Variants in CSMD3 observed in about 807,000 individuals in gnomAD.
The protein encoded by CSMD3 is CUB and Sushi multiple domains 3.
A neutral mutation model predicts 435.2 loss-of-function variants in CSMD3; 177 were observed. That is an observed-to-expected ratio of 0.41 (90% confidence interval 0.36 to 0.46). CSMD3 has a LOEUF of 0.46. Among genes scored for constraint, CSMD3 ranks in the 20% least tolerant of loss-of-function variants. The pLI, the probability that CSMD3 is intolerant of heterozygous loss-of-function variation, is 0.34. For synonymous variants in CSMD3, 1,656 were observed against 1,520.5 expected (o/e 1.09, Z -2.07); for missense variants, 4,265 against 4,504.6 (o/e 0.95, Z 1.52).
At chr8:112,290,637 TA>T (rs1328617699) in intron 56 of CSMD3, among the ~76,000 whole-genome samples, 4 of 151,894 alleles carry the variant, frequency 2.6e-5, no homozygotes, top group East Asian at 1.9e-4. Flanking sequence ...CTCATGAACA[TA>T]AAAAAATCCT....
At chr8:113,101,600 C>A (rs972386726) in intron 4 of CSMD3, among the ~76,000 whole-genome samples, 1 of 151,944 alleles carries the variant, frequency 6.6e-6, no homozygotes, top group African/African-American at 2.4e-5. Flanking sequence ...GAAGAGAGAA[C>A]AACCCAGAAA....
At chr8:113,431,858 T>C (rs2094675841) in intron 1 of CSMD3, among the ~76,000 whole-genome samples, 1 of 152,184 alleles carries the variant, frequency 6.6e-6, no homozygotes, top group South Asian at 2.1e-4. Flanking sequence ...TATTTGTTAT[T>C]TCACTGTTTT....
At chr8:112,589,089 C>A (rs1830963765) in intron 22 of CSMD3, among the ~76,000 whole-genome samples, 1 of 152,144 alleles carries the variant, frequency 6.6e-6, no homozygotes, top group Admixed American at 6.6e-5. Flanking sequence ...TAGTTCTTCT[C>A]TGTAATAAAC....
chr8:113,192,789 GTTC>G lies in CSMD3; in HGVS notation c.515-18876_515-18874del, dbSNP rs553550356. 7.4e-5 allele frequency among the ~76,000 whole-genome samples: 11 copies of G among 149,554 alleles called. No homozygotes were observed. The South Asian group carries it at 2.3e-3, about 31-fold the overall frequency. On this transcript the variant is annotated intron_variant, in intron 3 of 70. Coordinates refer to ENST00000297405, the MANE Select transcript of CSMD3 (RefSeq NM_198123.2). The stretch of plus-strand genomic sequence containing the variant: ...TTGTTCATTTTAGAAGTTTTCTTCT[GTTC>G]TTATAGTCCTCCTTTTTCTTTCAAA...
At chr8:112,875,749 T>C (rs1392393589) in intron 10 of CSMD3, among the ~76,000 whole-genome samples, 1 of 152,190 alleles carries the variant, frequency 6.6e-6, no homozygotes, top group Non-Finnish European at 1.5e-5. Context: ...TTTCTCATGC[T>C]GTGTTTTTCA....
At chr8:113,018,308 T>C (rs752763584) in intron 6 of CSMD3, among the ~76,000 whole-genome samples, 6 of 151,982 alleles carry the variant, frequency 3.9e-5, no homozygotes, top group Non-Finnish European at 8.8e-5. Flanking sequence ...AAAGTCATCA[T>C]ATTAAATTTT....
intron 38 of CSMD3, among the ~76,000 whole-genome samples, chr8:112,359,902 A>G (rs933363736): frequency 1.3e-5 from 2 of 152,008 alleles, no homozygotes; most frequent in Non-Finnish European, 2.9e-5. Flanking sequence ...CTAATTTTAA[A>G]TGTTTAAGGG....
chr8:112,382,264 A>G (rs1829529744), intron 37 of CSMD3, among the ~76,000 whole-genome samples: 1 of 143,264 alleles, frequency 7.0e-6, no homozygotes, highest in African/African-American at 2.5e-5. Context: ...AGTCTGGGCA[A>G]TAGAGCCAGA....
At chr8:113,165,202 A>T (rs193100612) in intron 4 of CSMD3, among the ~76,000 whole-genome samples, 6 of 152,174 alleles carry the variant, frequency 3.9e-5, no homozygotes, top group Non-Finnish European at 8.8e-5. Flanking sequence ...CTATATAATC[A>T]TATGAATGCT....
intron 1 of CSMD3, among the ~76,000 whole-genome samples, chr8:113,377,951 T>C (rs1377575527): frequency 6.6e-6 from 1 of 152,168 alleles, no homozygotes; most frequent in African/African-American, 2.4e-5. Context: ...ATTTTCAAAA[T>C]GGTCATATAA....
intron 2 of CSMD3, among the ~76,000 whole-genome samples, chr8:113,280,339 C>G (rs2093604091): frequency 1.3e-5 from 2 of 151,726 alleles, no homozygotes; most frequent in African/African-American, 4.8e-5. Context: ...TTCAATCTTC[C>G]TACTTGTTAT....
Position 112,608,453 on chromosome 8 carries a change from A to T in CSMD3, c.3716-21218T>A, listed in dbSNP as rs118173206. ...GAAATGGAAAATCAAACCAGAATTCATATAAAGCCATATAGCTAAAGCAGT... is the reference window on the plus strand; with the variant it reads ...GAAATGGAAAATCAAACCAGAATTCTTATAAAGCCATATAGCTAAAGCAGT... On this transcript the variant is annotated intron_variant, in intron 22 of 70. Coordinates refer to ENST00000297405, the MANE Select transcript of CSMD3 (RefSeq NM_198123.2). Among the ~76,000 whole-genome samples, 479 of 152,226 alleles carry T rather than the reference A, an allele frequency of 3.1e-3. 2 individuals carry two copies. The highest frequency in any genetic ancestry group is 5.0e-3 in the South Asian group (24 of 4,824).
intron 3 of CSMD3, among the ~76,000 whole-genome samples, chr8:113,236,289 C>G (rs72687678): frequency 0.1 from 15,858 of 152,220 alleles, 966 homozygotes; most frequent in Middle Eastern, 0.17. Context: ...CCTTAAGGCA[C>G]TAGCTGCTGT....
intron 31 of CSMD3, among the ~76,000 whole-genome samples, chr8:112,475,591 T>C (rs1258067340): frequency 6.6e-6 from 1 of 152,078 alleles, no homozygotes; most frequent in Admixed American, 6.5e-5. Context: ...CTATTGTAAT[T>C]TGTTTTACCT....
At chr8:113,336,963 T>C (rs1261218101) in intron 1 of CSMD3, among the ~76,000 whole-genome samples, 1 of 152,112 alleles carries the variant, frequency 6.6e-6, no homozygotes, top group Non-Finnish European at 1.5e-5. Context: ...TTGCTGTGGA[T>C]AAGGGTGGAA....
intron 4 of CSMD3, among the ~76,000 whole-genome samples, chr8:113,121,256 T>C (rs962959374): frequency 2.6e-5 from 4 of 152,006 alleles, no homozygotes; most frequent in Non-Finnish European, 4.4e-5. Flanking sequence ...ACAAAAGAAT[T>C]AGTCATGCAC....
chr8:113,129,275 C>A (rs2091222925), intron 4 of CSMD3, among the ~76,000 whole-genome samples: 1 of 151,962 alleles, frequency 6.6e-6, no homozygotes, highest in South Asian at 2.1e-4. Flanking sequence ...CATTTGAAGG[C>A]AAAAGTACTT....
chr8:112,464,221 G>C (rs112766429), intron 32 of CSMD3, among the ~76,000 whole-genome samples: 6 of 146,296 alleles, frequency 4.1e-5, no homozygotes, highest in African/African-American at 1.0e-4. Flanking sequence ...CTGGGCGACA[G>C]AGCGAGACTC....
intron 31 of CSMD3, among the ~76,000 whole-genome samples, chr8:112,485,582 A>G (rs995203686): frequency 6.6e-6 from 1 of 152,158 alleles, no homozygotes; most frequent in Admixed American, 6.6e-5. Flanking sequence ...AAGTCATGCC[A>G]TTTAAACAAA....
Sources: allele counts gnomAD v4.1 joint callset (sites outside exome capture counted in the v4.1 genomes callset), GRCh38; gene constraint gnomAD v4.1.1; transcripts MANE v1.5; gene names NCBI Gene and HGNC (gene_info 2026-07-23, HGNC 2026-07-21).